The following PROC variants were observed in gnomAD, a reference collection of about 807,000 sequenced individuals.
PROC encodes the protein vitamin K-dependent protein C.
In PROC, 22 loss-of-function variants were observed where a neutral mutation model predicts 36.3. The ratio of observed to expected loss-of-function variants is 0.61; its 90% confidence interval spans 0.43 to 0.86. The LOEUF (loss-of-function observed/expected upper bound fraction) is 0.86. PROC is among the 40% of genes least tolerant of loss of function. The pLI is 0.00. For synonymous variants in PROC, 218 were observed against 244.5 expected (o/e 0.89, Z 1.01); for missense variants, 526 against 629.7 (o/e 0.84, Z 1.76).
At chr2:127,422,963 G>A (rs766861346) in intron 4 of PROC, 22 bp downstream of exon 4, 1 of 1,608,548 alleles carries the variant, frequency 6.2e-7, no homozygotes, top group Non-Finnish European at 8.5e-7. Flanking sequence ...CTAGATCCCC[G>A]GCTGGACTAC....
intron 3 of PROC, 97 bp from the exon 4 acceptor site, chr2:127,422,820 C>T (rs1262579723): frequency 1.3e-6 from 2 of 1,491,712 alleles, no homozygotes; most frequent in African/African-American, 2.8e-5. Flanking sequence ...GGAAGCCCTC[C>T]CCTCCCCTGC....
chr2:127,428,741 G>C lies in PROC; in HGVS notation c.1181G>C (p.Arg394Pro), dbSNP rs767219916. The C allele has an allele frequency of 6.2e-7, 1 of 1,613,412 alleles. No individual in the cohort carries two copies. The highest frequency in any genetic ancestry group is 2.2e-5 in the East Asian group (1 of 44,880). The stretch of plus-strand genomic sequence containing the variant: ...CTGTGTGCGGGCATCCTCGGGGACC[G>C]GCAGGATGCCTGCGAGGGCGACAGT... ...NMLCAGILGD[R>P]QDACEGDSGG... The change falls in exon 9 of 9, where the codon CGG (arginine) becomes CCG (proline). Residue 394 changes from arginine to proline, a missense_variant. By Grantham distance (103) the Arg-to-Pro change is moderately radical. Transcript: ENST00000234071.
chr2:127,419,106 G>C (rs1687939111), intron 1 of PROC, among the ~76,000 whole-genome samples: 1 of 152,200 alleles, frequency 6.6e-6, no homozygotes, highest in Non-Finnish European at 1.5e-5. Context: ...CTGATGGTGT[G>C]AGACCCTACT....
chr2:127,426,437 C>T lies in PROC; in HGVS notation c.678+210C>T, dbSNP rs1688505229. 1.8e-5 allele frequency: 11 copies of T among 617,698 alleles called. No individual in the cohort carries two copies. The South Asian group carries it at 1.9e-4, about 11-fold the overall frequency. The allele number at this position is 617,698 out of a possible 1,614,324, so 38.3% of individuals were successfully genotyped here. A position where few individuals can be genotyped will look rare whatever the true frequency, so the allele number is the denominator to read the frequency against. On this transcript the variant is annotated intron_variant, in intron 7 of 8. Transcript: ENST00000234071. The surrounding 1 kb of genome is among the most constrained non-coding windows in gnomAD (Gnocchi z 7.0). The stretch of plus-strand genomic sequence containing the variant: ...GTGGGTGAGGGGAGGGGCATGGGGG[C>T]ATGGAGGGGTCTGCAGGAGGGAGGG...
chr2:127,426,787 G>A lies in PROC; in HGVS notation c.679-318G>A, dbSNP rs956015278. On this transcript the variant is annotated intron_variant, in intron 7 of 8. Transcript: ENST00000234071. This position sits in a 1 kb window ranked among gnomAD's most constrained non-coding sequence, Gnocchi z 7.0. ...CAAGGGGAACATCCAGGCAGCCTGG[G>A]GGCCACAAAGTCTTCCTGGAAGACA... 8.5e-5 allele frequency among the ~76,000 whole-genome samples: 13 copies of A among 152,194 alleles called. No individual in the cohort carries two copies. The highest frequency in any genetic ancestry group is 7.8e-4 in the Admixed American group (12 of 15,288).
Position 127,426,550 on chromosome 2 carries a change from G to A in PROC, c.678+323G>A. On this transcript the variant is annotated intron_variant, in intron 7 of 8. Coordinates refer to ENST00000234071, the MANE Select transcript of PROC (RefSeq NM_000312.4). This position sits in a 1 kb window ranked among gnomAD's most constrained non-coding sequence, Gnocchi z 7.0. ...CTGCTGATGGGAGAGGGCTAGGAGG[G>A]AGGGCCGGGCCTGAGTACCCCTCCA... 2.4e-6 allele frequency: 1 copy of A among 420,142 alleles called. No homozygotes were observed. The highest frequency in any genetic ancestry group is 2.2e-5 in the South Asian group (1 of 45,616). 26.0% of individuals were successfully genotyped at this position (420,142 alleles called of 1,614,324 possible).
intron 6 of PROC, 86 bp downstream of exon 6, chr2:127,423,494 AGGAG>A: frequency 6.7e-7 from 1 of 1,494,790 alleles, no homozygotes; most frequent in Non-Finnish European, 8.9e-7. Flanking sequence ...CGGGGGGCTC[AGGAG>A]GGTTTCTAGG....
Position 127,422,941 on chromosome 2 carries a change from G to A in PROC, c.262G>A (p.Asp88Asn). ...DTLAFWSKHV[D>N]GDQCLVLPLE... is the part of the protein sequence containing the mutation. ...GCTGGCCTTCTGGTCCAAGCACGTC[G>A]GTGAGTGCGTTCTAGATCCCCGGCT... The change falls in exon 4 of 9, where the codon GAC becomes AAC. Residue 88 changes from aspartate to asparagine, a missense_variant and splice_region_variant. Physicochemically the swap from Asp to Asn is conservative, Grantham distance 23. Transcript: ENST00000234071. The A allele has an allele frequency of 6.3e-7, 1 of 1,595,012 alleles. No individual in the cohort carries two copies.
At chr2:127,419,860 G>A (rs1216515221) in intron 1 of PROC, 62 bp from the exon 2 acceptor site, 2 of 1,612,166 alleles carry the variant, frequency 1.2e-6, no homozygotes, top group Non-Finnish European at 1.7e-6. Context: ...GCTTCCACCT[G>A]GGGGTGCAGG....
In PROC at chr2:127,418,503, C is replaced by G; in HGVS notation, c.-22+11C>G. On this transcript the variant is annotated intron_variant, in intron 1 of 8. Coordinates refer to ENST00000234071, the MANE Select transcript of PROC (RefSeq NM_000312.4). The surrounding 1 kb of genome is among the most constrained non-coding windows in gnomAD (Gnocchi z 4.8). ...CCACGACCCGCCCCTGTGAGTCCCC[C>G]TCCAGGCAGGTCTATGAGGGGTGTG... 4 of 1,289,792 alleles carry G rather than the reference C, an allele frequency of 3.1e-6. No individual in the cohort carries two copies. The South Asian group carries it at 4.9e-5, about 16-fold the overall frequency. 79.9% of individuals were successfully genotyped at this position (1,289,792 alleles called of 1,614,324 possible). A position where few individuals can be genotyped will look rare whatever the true frequency, so the allele number is the denominator to read the frequency against.
Position 127,421,165 on chromosome 2 carries a change from G to T in PROC, c.71-118G>T, listed in dbSNP as rs547483675. 191 of 1,028,084 alleles carry T rather than the reference G, an allele frequency of 1.9e-4. 1 individual carries two copies. In the South Asian group the frequency reaches 2.4e-3, roughly 13 times the overall value. 63.7% of individuals were successfully genotyped at this position (1,028,084 alleles called of 1,614,324 possible). ...GACCTAGAATTAGAATGAGTCTTGA[G>T]GGGGCGGAGACAAGACCTTCCCAGG... On this transcript the variant is annotated intron_variant, in intron 2 of 8. Transcript: ENST00000234071.
rs1296711132 is a variant in PROC, at chr2:127,427,125, G to T, written c.699G>T (p.Lys233Asn). The change falls in exon 8 of 9, where the codon AAG (lysine) becomes AAT (asparagine). Residue 233 changes from lysine (K) to asparagine (N), a missense_variant. By Grantham distance (94) the Lys-to-Asn change is moderately conservative. Coordinates refer to ENST00000234071, the MANE Select transcript of PROC (RefSeq NM_000312.4). Reference sequence around the variant, plus strand: ...TCCAGGTGGTCCTGCTGGACTCAAAGAAGAAGCTGGCCTGCGGGGCAGTGC... The same window carrying T: ...TCCAGGTGGTCCTGCTGGACTCAAATAAGAAGCTGGCCTGCGGGGCAGTGC... ...SPWQVVLLDS[K>N]KKLACGAVLI... The T allele has an allele frequency of 1.9e-5, 30 of 1,613,832 alleles. No individual in the cohort carries two copies. The highest frequency in any genetic ancestry group is 2.4e-5 in the Non-Finnish European group (28 of 1,180,008).
Position 127,429,032 on chromosome 2 carries a change from T to C in PROC, c.*86T>C. ...TAACAAGCACACCGGCCTGCTGTTC[T>C]GTCCTTCCATCCCTCTTTTGGGCTC... is the stretch of plus-strand genomic sequence containing the variant. On this transcript the variant is annotated 3_prime_UTR_variant, in exon 9 of 9. Transcript: ENST00000234071. 6.1e-6 allele frequency: 9 copies of C among 1,463,988 alleles called. No individual in the cohort carries two copies. The highest frequency in any genetic ancestry group is 8.6e-6 in the Non-Finnish European group (9 of 1,050,006). The allele number at this position is 1,463,988 out of a possible 1,614,324, so 90.7% of individuals were successfully genotyped here.
chr2:127,427,377 C>T (rs1323320215), intron 8 of PROC, among the ~76,000 whole-genome samples, 155 bp downstream of exon 8: 1 of 152,144 alleles, frequency 6.6e-6, no homozygotes, highest in South Asian at 2.1e-4. Flanking sequence ...GGCCTATGTG[C>T]CCCCACCCTG....
intron 3 of PROC, among the ~76,000 whole-genome samples, chr2:127,421,968 C>T (rs767598835): frequency 6.6e-6 from 1 of 152,186 alleles, no homozygotes; most frequent in Non-Finnish European, 1.5e-5. Context: ...CCCCCAGAGT[C>T]CTGTGGACGT....
chr2:127,424,312 G>A (rs1299517989), intron 6 of PROC, among the ~76,000 whole-genome samples: 1 of 152,094 alleles, frequency 6.6e-6, no homozygotes, highest in Non-Finnish European at 1.5e-5. Context: ...CGATTCTCCT[G>A]CCGCAGCCTC....
In PROC at chr2:127,418,846, G is replaced by A. The variant is rs1446284616; in HGVS notation, c.-22+354G>A. 6.6e-6 allele frequency among the ~76,000 whole-genome samples: 1 copy of A among 152,248 alleles called. No individual in the cohort carries two copies. The highest frequency in any genetic ancestry group is 1.5e-5 in the Non-Finnish European group (1 of 68,044). Reference sequence around the variant, plus strand: ...CTCAGAGGGAGTCGGCAAGAATGGAGAGCAGGGTCCGGTAGGGTGTGCAGA... The same window carrying A: ...CTCAGAGGGAGTCGGCAAGAATGGAAAGCAGGGTCCGGTAGGGTGTGCAGA... On this transcript the variant is annotated intron_variant, in intron 1 of 8. Transcript: ENST00000234071. This position sits in a 1 kb window ranked among gnomAD's most constrained non-coding sequence, Gnocchi z 4.8.
chr2:127,428,759 G>C lies in PROC; in HGVS notation c.1199G>C (p.Gly400Ala). 1 of 1,613,182 alleles carries C rather than the reference G, an allele frequency of 6.2e-7. No homozygotes were observed. The change falls in exon 9 of 9, where the codon GGC (glycine) becomes GCC (alanine). Residue 400 changes from glycine to alanine, a missense_variant. Transcript: ENST00000234071. ...GGGGACCGGCAGGATGCCTGCGAGG[G>C]CGACAGTGGGGGGCCCATGGTCGCC... ...ILGDRQDACE[G>A]DSGGPMVASF...
rs778634862 is a variant in PROC, at chr2:127,421,457, C to T, written c.237+8C>T. 2.5e-6 allele frequency: 4 copies of T among 1,613,726 alleles called. No homozygotes were observed. Among genetic ancestry groups the T allele is most frequent in the Non-Finnish European group, 3.4e-6 (4 of 1,179,902 alleles). On this transcript the variant is annotated splice_region_variant and intron_variant, in intron 3 of 8. Transcript: ENST00000234071. ...CAAAATGTGGATGACACAGTAAGGCCACCATGGGTCCAGAGGATGAGGCTC... is the reference window on the plus strand; with the variant it reads ...CAAAATGTGGATGACACAGTAAGGCTACCATGGGTCCAGAGGATGAGGCTC...
Sources: allele counts gnomAD v4.1 joint callset (sites outside exome capture counted in the v4.1 genomes callset), GRCh38; gene constraint gnomAD v4.1.1; non-coding constraint Gnocchi (gnomAD v3.1); transcripts MANE v1.5; gene names NCBI Gene and HGNC (gene_info 2026-07-23, HGNC 2026-07-21).